The following ERC2 variants were observed in gnomAD, a reference collection of about 807,000 sequenced individuals.
ERC2 encodes ELKS/RAB6-interacting/CAST family member 2, also known as ERC protein 2.
A neutral mutation model predicts 114.8 loss-of-function variants in ERC2; 42 were observed. That is an observed-to-expected ratio of 0.37 (90% confidence interval 0.29 to 0.47). ERC2 has a LOEUF of 0.47. ERC2 is among the 20% of genes least tolerant of loss of function. ERC2 has a pLI of 0.99. For synonymous variants in ERC2, 454 were observed against 425.5 expected (o/e 1.07, Z -0.82); for missense variants, 939 against 1,150.7 (o/e 0.82, Z 2.66).
chr3:56,444,836 A>T (rs1232453181), intron 1 of ERC2, among the ~76,000 whole-genome samples: 20 of 152,194 alleles, frequency 1.3e-4, no homozygotes, highest in Non-Finnish European at 2.9e-4. Context: ...TTGCCAACTT[A>T]AAATATCCTT....
intron 17 of ERC2, among the ~76,000 whole-genome samples, chr3:55,531,167 G>A (rs1160843382): frequency 6.6e-6 from 1 of 152,148 alleles, no homozygotes. Context: ...ATTATTAAGT[G>A]AATGATCCAC....
At chr3:56,251,383 G>A (rs551434070) in intron 3 of ERC2, among the ~76,000 whole-genome samples, 18 of 152,302 alleles carry the variant, frequency 1.2e-4, no homozygotes, top group African/African-American at 4.1e-4. Flanking sequence ...TGATACAACT[G>A]TTTTATTTTA....
intron 3 of ERC2, among the ~76,000 whole-genome samples, chr3:56,272,267 CA>C (rs949412539): frequency 3.3e-5 from 5 of 152,118 alleles, no homozygotes. Flanking sequence ...ATCACTTGAA[CA>C]AAAAAAGTAG....
intron 17 of ERC2, among the ~76,000 whole-genome samples, chr3:55,590,052 T>C (rs2057795874): frequency 6.6e-6 from 1 of 151,980 alleles, no homozygotes; most frequent in African/African-American, 2.4e-5. Context: ...AAACTAATTA[T>C]AAAAATAAGA....
At chr3:56,224,633 A>C (rs926797660) in intron 3 of ERC2, among the ~76,000 whole-genome samples, 1 of 152,174 alleles carries the variant, frequency 6.6e-6, no homozygotes, top group African/African-American at 2.4e-5. Flanking sequence ...ACACCATGCA[A>C]ACACTGAAAC....
chr3:56,015,644 C>T (rs1219409895), intron 8 of ERC2, among the ~76,000 whole-genome samples: 1 of 152,088 alleles, frequency 6.6e-6, no homozygotes, highest in Non-Finnish European at 1.5e-5. Context: ...CATGTCTTTG[C>T]TATTGTGGAT....
chr3:56,373,516 G>C (rs986762002), intron 2 of ERC2, among the ~76,000 whole-genome samples: 7 of 152,218 alleles, frequency 4.6e-5, no homozygotes, highest in Non-Finnish European at 1.0e-4. Context: ...CAGGGGATTA[G>C]TTGGAGAGCT....
At chr3:55,684,686 C>T (rs887909806) in intron 16 of ERC2, among the ~76,000 whole-genome samples, 2 of 152,170 alleles carry the variant, frequency 1.3e-5, no homozygotes, top group Non-Finnish European at 2.9e-5. Flanking sequence ...GCTCTGGTGA[C>T]TTTCCTCACT....
chr3:56,343,893 A>G (rs2058200035), intron 2 of ERC2, among the ~76,000 whole-genome samples: 1 of 152,214 alleles, frequency 6.6e-6, no homozygotes, highest in South Asian at 2.1e-4. Context: ...TGTTTTCAGA[A>G]GCCACAATAT....
intron 2 of ERC2, among the ~76,000 whole-genome samples, chr3:56,324,628 C>T (rs1008819607): frequency 5.3e-5 from 8 of 152,092 alleles, no homozygotes; most frequent in African/African-American, 1.9e-4. Flanking sequence ...TGCTTCAAAA[C>T]GGGCATCTGT....
chr3:56,411,756 G>GA (rs2060948546), intron 2 of ERC2, among the ~76,000 whole-genome samples: 1 of 152,122 alleles, frequency 6.6e-6, no homozygotes, highest in Admixed American at 6.5e-5. Context: ...CACAGGGCTG[G>GA]TGAGTAGCAG....
At chr3:56,194,818 A>C (rs199699516) in intron 3 of ERC2, among the ~76,000 whole-genome samples, 1 of 152,198 alleles carries the variant, frequency 6.6e-6, no homozygotes, top group Non-Finnish European at 1.5e-5. Context: ...CAGGCTTGAA[A>C]AAAACGTGAA....
At chr3:55,825,002 T>C (rs982836686) in intron 14 of ERC2, among the ~76,000 whole-genome samples, 2 of 152,248 alleles carry the variant, frequency 1.3e-5, no homozygotes, top group African/African-American at 4.8e-5. Context: ...TATTTTATGA[T>C]GATTTACCAC....
At chr3:56,086,679 A>T (rs1412356767) in intron 6 of ERC2, among the ~76,000 whole-genome samples, 1 of 152,118 alleles carries the variant, frequency 6.6e-6, no homozygotes, top group Non-Finnish European at 1.5e-5. Context: ...CAGGGAAGAT[A>T]AGGCAAGAAA....
intron 2 of ERC2, among the ~76,000 whole-genome samples, chr3:56,407,843 T>C (rs1205057770): frequency 6.6e-6 from 1 of 152,094 alleles, no homozygotes; most frequent in Non-Finnish European, 1.5e-5. Flanking sequence ...TGTACTCCCA[T>C]CATACTGCCC....
intron 2 of ERC2, among the ~76,000 whole-genome samples, chr3:56,404,965 A>G (rs2060657294): frequency 1.3e-5 from 2 of 152,196 alleles, no homozygotes; most frequent in Admixed American, 6.5e-5. Context: ...ATGGATGGAT[A>G]GGACTTCAAC....
chr3:55,649,020 C>T (rs1434932999), intron 17 of ERC2, among the ~76,000 whole-genome samples: 2 of 152,166 alleles, frequency 1.3e-5, no homozygotes, highest in East Asian at 3.9e-4. Flanking sequence ...CATCCCCCAT[C>T]TCAGAACCTG....
intron 17 of ERC2, among the ~76,000 whole-genome samples, chr3:55,671,336 T>C (rs975606221): frequency 6.6e-5 from 10 of 152,214 alleles, no homozygotes; most frequent in African/African-American, 2.2e-4. Flanking sequence ...TCTATGAACA[T>C]TTGTTTTCTT....
chr3:56,039,922 G>A (rs1006321841), intron 7 of ERC2, among the ~76,000 whole-genome samples: 1 of 151,978 alleles, frequency 6.6e-6, no homozygotes, highest in African/African-American at 2.4e-5. Context: ...AAATAATGTT[G>A]GAAAAACTGG....
Sources: gnomAD v4.1 joint callset for allele counts (sites outside exome capture counted in the v4.1 genomes callset) on GRCh38, gnomAD v4.1.1 for gene constraint, MANE v1.5 for transcripts, NCBI Gene and HGNC (gene_info 2026-07-23, HGNC 2026-07-21) for gene names.